CYP2D6: variants seen among roughly 807,000 people sequenced by gnomAD.
CYP2D6 encodes the protein cytochrome P450 2D6.
In CYP2D6, 51 loss-of-function variants were observed where a neutral mutation model predicts 43.5. The observed-to-expected ratio is 1.17, with a 90% CI of 0.94 to 1.48. The LOEUF is 1.48. Among genes scored for constraint, CYP2D6 ranks in the 40% most tolerant of loss-of-function variants. The probability of loss-of-function intolerance (pLI) is 0.00; values close to 1 mark genes in which losing one functional copy is unlikely to be tolerated. For synonymous variants in CYP2D6, 346 were observed against 297.1 expected (o/e 1.16, Z -1.69); for missense variants, 698 against 688.0 (o/e 1.01, Z -0.16).
chr22:42,128,128 C>A, intron 5 of CYP2D6, 46 bp downstream of exon 5: 2 of 1,580,662 alleles, frequency 1.3e-6, no homozygotes, highest in Non-Finnish European at 1.7e-6. Context: ...CCTCCTGGGA[C>A]GCTCAACCCA....
In CYP2D6 at chr22:42,129,241, A is replaced by G. The variant is rs1012445383; in HGVS notation, c.353-56T>C. The G allele has an allele frequency of 1.3e-4, 210 of 1,575,572 alleles. 6 individuals carry two copies. The highest frequency in any genetic ancestry group is 2.9e-4 in the East Asian group (13 of 44,454). On this transcript the variant is annotated intron_variant, in intron 2 of 8. Transcript: ENST00000645361. ...CATGAAGGCATTAGCCCCACCATCC[A>G]CCACCCACTCCAACCCTATGCTCCC... is the stretch of plus-strand genomic sequence containing the variant.
At position 42,127,528 on chromosome 22, in the gene CYP2D6, C is replaced by T. The variant is rs1602568869; in HGVS notation, c.1092G>A (p.Gln364=). Residue 364 remains glutamine (Q), a synonymous_variant, in exon 7 of 9, where the codon CAG becomes CAA. Coordinates refer to ENST00000645361, the MANE Select transcript of CYP2D6 (RefSeq NM_000106.6). ...CCAGGGGGACGATGTCCCCAAAGCG[C>T]TGCACCTCATGAATCACGGCAGTGG... The part of the protein sequence containing the change: ...PYTTAVIHEV[Q]RFGDIVPLGV... 1 of 1,612,042 alleles carries T rather than the reference C, an allele frequency of 6.2e-7. No homozygotes were observed. The highest frequency in any genetic ancestry group is 8.5e-7 in the Non-Finnish European group (1 of 1,178,614).
At position 42,129,083 on chromosome 22, in the gene CYP2D6, CA is replaced by C. The variant is rs5030655; in HGVS notation, c.454del (p.Trp152GlyfsTer2). 0.011 allele frequency: 17,397 copies of C among 1,609,822 alleles called. 641 individuals are homozygous for C. The highest frequency in any genetic ancestry group is 0.012 in the Non-Finnish European group (14,621 of 1,177,670). ...AAGGCAGGCGGCCTCCTCGGTCACC[CA>C]CTGCTCCAGCGACTTCTTGCCCAGG... The part of the protein sequence containing the change: ...LGLGKKSLEQ[W>X]VTEEAACLCA... On this transcript the variant is annotated frameshift_variant, in exon 3 of 9. Coordinates refer to ENST00000645361, the MANE Select transcript of CYP2D6 (RefSeq NM_000106.6). LOFTEE classifies it high-confidence loss of function.
In CYP2D6 at chr22:42,128,062, G is replaced by C; in HGVS notation, c.844-79C>G. On this transcript the variant is annotated intron_variant, in intron 5 of 8. Coordinates refer to ENST00000645361, the MANE Select transcript of CYP2D6 (RefSeq NM_000106.6). ...CTCCAATTCTGCACCTGTCAGCCCA[G>C]ATGCGGCTCGCCGGGTGATGCACTG... The C allele has an allele frequency of 3.1e-6, 5 of 1,600,306 alleles. No homozygotes were observed. In the Admixed American group the frequency reaches 6.8e-5, roughly 22 times the overall value.
intron 2 of CYP2D6, chr22:42,129,526 A>G: frequency 1.3e-6 from 1 of 752,374 alleles, no homozygotes; most frequent in South Asian, 1.7e-5. Flanking sequence ...GGCTCCTGCC[A>G]GGTCTCGGCA....
rs1287312806 is a variant in CYP2D6 at position 42,129,473 on chromosome 22, G to A, written c.352+265C>T. ...AGGTGCGGTCCCCGCCCCCCACTTC[G>A]ACACCGGATTCCAGCTGGGAAATGC... On this transcript the variant is annotated intron_variant, in intron 2 of 8. Transcript: ENST00000645361. The A allele has an allele frequency of 8.2e-6, 6 of 727,284 alleles. 1 individual carries two copies. The highest frequency in any genetic ancestry group is 3.5e-5 in the African/African-American group (2 of 57,332). The allele number at this position is 727,284 out of a possible 1,614,324, so 45.1% of individuals were successfully genotyped here. A position where few individuals can be genotyped will look rare whatever the true frequency, so the allele number is the denominator to read the frequency against.
rs1296529389 is a variant in CYP2D6 at position 42,129,516 on chromosome 22, G to C, written c.352+222C>G. 13 of 738,360 alleles carry C rather than the reference G, an allele frequency of 1.8e-5. No individual in the cohort carries two copies. In the East Asian group the frequency reaches 3.2e-4, roughly 18 times the overall value. The allele number at this position is 738,360 out of a possible 1,614,324, so 45.7% of individuals were successfully genotyped here. The stretch of plus-strand genomic sequence containing the variant: ...GGAAATGCGCCAGCCTCACCCATTG[G>C]GCTCCTGCCAGGTCTCGGCAGTGGC... On this transcript the variant is annotated intron_variant, in intron 2 of 8. Transcript: ENST00000645361.
rs1346169796 is a variant in CYP2D6 at position 42,126,733 on chromosome 22, C to A, written c.1335G>T (p.Gly445=). ...AGAGCTCCATGCGGGCCAGGGGCTC[C>A]CCGAGGCATGCACGGCGGCCTGTGG... ...PFSAGRRACL[G]EPLARMELFL... The change falls in exon 9 of 9, where the codon GGG becomes GGT. Residue 445 remains glycine, a synonymous_variant. Coordinates refer to ENST00000645361, the MANE Select transcript of CYP2D6 (RefSeq NM_000106.6). 6 of 1,557,906 alleles carry A rather than the reference C, an allele frequency of 3.9e-6. No individual in the cohort carries two copies. Among genetic ancestry groups the A allele is most frequent in the Non-Finnish European group, 5.2e-6 (6 of 1,151,714 alleles).
At position 42,129,159 on chromosome 22, in the gene CYP2D6, C is replaced by G; in HGVS notation, c.379G>C (p.Ala127Pro). Residue 127 changes from alanine (A) to proline (P), a missense_variant, in exon 3 of 9, where the codon GCG (alanine) becomes CCG (proline). By Grantham distance (27) the Ala-to-Pro change is conservative (BLOSUM62 -1). Transcript: ENST00000645361. Reference sequence around the variant, plus strand: ...GAGAAGCGCCTCTGCTCGCGCCACGCGGGCCCATAGCGCGCCAGGAACACC... The same window carrying G: ...GAGAAGCGCCTCTGCTCGCGCCACGGGGGCCCATAGCGCGCCAGGAACACC... ...QGVFLARYGPAWREQRRFSVS... is the reference protein window; with the variant it reads ...QGVFLARYGPPWREQRRFSVS... 1.9e-6 allele frequency: 3 copies of G among 1,607,570 alleles called. 1 individual carries two copies. In the South Asian group the frequency reaches 3.3e-5, roughly 18 times the overall value.
chr22:42,126,616 C>G lies in CYP2D6; in HGVS notation c.1452G>C (p.Leu484=). 1.2e-6 allele frequency: 2 copies of G among 1,607,830 alleles called. No individual in the cohort carries two copies. Among genetic ancestry groups the G allele is most frequent in the Non-Finnish European group, 1.7e-6 (2 of 1,176,864 alleles). Reference sequence around the variant, plus strand: ...AAAGCTCATAGGGGGATGGGCTCACCAGGAAAGCAAAGACACCATGGTGGC... The same window carrying G: ...AAAGCTCATAGGGGGATGGGCTCACGAGGAAAGCAAAGACACCATGGTGGC... ...RPSHHGVFAF[L]VSPSPYELCA... is the part of the protein sequence containing the mutation. The change falls in exon 9 of 9, where the codon CTG becomes CTC. Residue 484 remains leucine, a synonymous_variant. Transcript: ENST00000645361.
In CYP2D6 at chr22:42,128,971, G is replaced by A. The variant is rs1333908490; in HGVS notation, c.506-27C>T. On this transcript the variant is annotated intron_variant, in intron 3 of 8. Coordinates refer to ENST00000645361, the MANE Select transcript of CYP2D6 (RefSeq NM_000106.6). ...TGGGGGTGGGAGATGCGGGTAAGGG[G>A]TCGCCTTCCCCGTCCCCCGCCTTCC... 4.4e-6 allele frequency: 7 copies of A among 1,582,466 alleles called. No homozygotes were observed. Among genetic ancestry groups the A allele is most frequent in the Non-Finnish European group, 6.0e-6 (7 of 1,164,280 alleles).
At position 42,129,339 on chromosome 22, in the gene CYP2D6, C is replaced by G. The variant is rs1364037301; in HGVS notation, c.353-154G>C. On this transcript the variant is annotated intron_variant, in intron 2 of 8. Transcript: ENST00000645361. ...ACTCTTTGTGCATCCACCTTGCTCC[C>G]TTGGCTGGGGCAGGGCTTTGCCCCA... 4 of 1,098,238 alleles carry G rather than the reference C, an allele frequency of 3.6e-6. No homozygotes were observed. In the South Asian group the frequency reaches 5.4e-5, roughly 15 times the overall value. 68.0% of individuals were successfully genotyped at this position (1,098,238 alleles called of 1,614,324 possible).
chr22:42,127,012 T>C lies in CYP2D6; in HGVS notation c.1174-20A>G, dbSNP rs1931024325. 1 of 1,591,912 alleles carries C rather than the reference T, an allele frequency of 6.3e-7. No homozygotes were observed. On this transcript the variant is annotated intron_variant, in intron 7 of 8. Coordinates refer to ENST00000645361, the MANE Select transcript of CYP2D6 (RefSeq NM_000106.6). ...CGTTCCCTGGGCAGGAGATGCAGGGTGAGAGTGGGGACTGGACTCTAGGAT... is the reference window on the plus strand; with the variant it reads ...CGTTCCCTGGGCAGGAGATGCAGGGCGAGAGTGGGGACTGGACTCTAGGAT...
Position 42,130,774 on chromosome 22 carries a change from C to T in CYP2D6, c.18G>A (p.Leu6=), listed in dbSNP as rs148382141. The T allele has an allele frequency of 1.8e-4, 281 of 1,578,216 alleles. 13 individuals are homozygous for T. In the African/African-American group the frequency reaches 3.5e-3, roughly 20 times the overall value. The change falls in exon 1 of 9, where the codon CTG becomes CTA. Residue 6 remains leucine (L), a synonymous_variant. Coordinates refer to ENST00000645361, the MANE Select transcript of CYP2D6 (RefSeq NM_000106.6). MGLEA[L]VPLAVIVAIF... is the part of the protein sequence containing the mutation. Reference sequence around the variant, plus strand: ...TGGCCACTATCACGGCCAGGGGCACCAGTGCTTCTAGCCCCATACCTGCCT... The same window carrying T: ...TGGCCACTATCACGGCCAGGGGCACTAGTGCTTCTAGCCCCATACCTGCCT...
At chr22:42,129,228 AG>A in intron 2 of CYP2D6, 43 bp from the exon 3 acceptor site, 3 of 1,591,048 alleles carry the variant, frequency 1.9e-6, no homozygotes, top group Non-Finnish European at 2.6e-6. Context: ...TGAAGGCATT[AG>A]CCCCACCATC....
At position 42,128,953 on chromosome 22, in the gene CYP2D6, G is replaced by A. The variant is rs1474532790; in HGVS notation, c.506-9C>T. The stretch of plus-strand genomic sequence containing the variant: ...GGGGCGAAAGGGGCGTCCTGGGGGT[G>A]GGAGATGCGGGTAAGGGGTCGCCTT... On this transcript the variant is annotated splice_polypyrimidine_tract_variant and intron_variant, in intron 3 of 8. Transcript: ENST00000645361. 1.9e-6 allele frequency: 3 copies of A among 1,583,216 alleles called. No individual in the cohort carries two copies. The highest frequency in any genetic ancestry group is 1.7e-4 in the Middle Eastern group (1 of 5,996).
rs148769737 is a variant in CYP2D6 at position 42,128,217 on chromosome 22, G to T, written c.800C>A (p.Pro267His). Reference sequence around the variant, plus strand: ...GAAGGCCTCAGTCAGGTCTCGGGGGGGCTGGGCTGGGTCCCAGGTCATCCT... The same window carrying T: ...GAAGGCCTCAGTCAGGTCTCGGGGGTGCTGGGCTGGGTCCCAGGTCATCCT... ...EHRMTWDPAQPPRDLTEAFLA... is the reference protein window; with the variant it reads ...EHRMTWDPAQHPRDLTEAFLA... Residue 267 changes from proline to histidine, a missense_variant, in exon 5 of 9, where the codon CCC (proline) becomes CAC (histidine). Transcript: ENST00000645361. 2.3e-4 allele frequency: 377 copies of T among 1,609,732 alleles called. 16 individuals carry two copies. In the African/African-American group the frequency reaches 3.6e-3, roughly 16 times the overall value.
chr22:42,128,000 G>A lies in CYP2D6; in HGVS notation c.844-17C>T, dbSNP rs760230830. On this transcript the variant is annotated splice_polypyrimidine_tract_variant and intron_variant, in intron 5 of 8. Coordinates refer to ENST00000645361, the MANE Select transcript of CYP2D6 (RefSeq NM_000106.6). ...CCCCTTGGCCTGAGCAGGGCCGAGAGCATACTCGGGACAGAACGGGGTAGC... is the reference window on the plus strand; with the variant it reads ...CCCCTTGGCCTGAGCAGGGCCGAGAACATACTCGGGACAGAACGGGGTAGC... 41 of 1,611,324 alleles carry A rather than the reference G, an allele frequency of 2.5e-5. 2 individuals carry two copies. In the South Asian group the frequency reaches 3.6e-4, roughly 14 times the overall value.
intron 2 of CYP2D6, 108 bp downstream of exon 2, chr22:42,129,630 T>G: frequency 3.4e-6 from 5 of 1,451,614 alleles, no homozygotes; most frequent in Non-Finnish European, 3.8e-6. Context: ...CCCCACTCGC[T>G]GGCCTGTTTC....
Sources: gnomAD v4.1 joint callset for allele counts on GRCh38, gnomAD v4.1.1 for gene constraint, MANE v1.5 for transcripts, NCBI Gene and HGNC (gene_info 2026-07-23, HGNC 2026-07-21) for gene names.